ENTPD1: variants seen among roughly 807,000 people sequenced by gnomAD.
The protein encoded by ENTPD1 is ATP diphosphohydrolase.
Under a neutral mutation model 57.0 loss-of-function variants are expected in ENTPD1, and 33 were observed. That is an observed-to-expected ratio of 0.58 (90% CI 0.44 to 0.77). ENTPD1 has a LOEUF of 0.77. Among genes scored for constraint, ENTPD1 ranks in the 30% least tolerant of loss-of-function variants. ENTPD1 has a pLI of 0.00. For synonymous variants in ENTPD1, 202 were observed against 218.8 expected (o/e 0.92, Z 0.68); for missense variants, 501 against 603.4 (o/e 0.83, Z 1.78).
At chr10:95,753,542 G>A (rs911568764), upstream of ENTPD1, 2 of 152,152 alleles carry the variant, frequency 1.3e-5, no homozygotes, top group Non-Finnish European at 2.9e-5. Context: ...ACCTCTCCTG[G>A]TTAAACCAGA....
intron 2 of ENTPD1, among the ~76,000 whole-genome samples, chr10:95,831,181 G>GT (rs1378613123): frequency 6.6e-6 from 1 of 152,212 alleles, no homozygotes; most frequent in African/African-American, 2.4e-5. Flanking sequence ...GAATGCTTCT[G>GT]TTTAAAGAGG....
At position 95,844,633 on chromosome 10, in the gene ENTPD1, C is replaced by T. The variant is rs1197380854; in HGVS notation, c.571C>T (p.Gln191Ter). ...CAACTATCTGCTGGGCAAATTCAGT[C>T]AGGTGAATATCTCACAGCATCCATG... ...TINYLLGKFS[Q>*]KTRWFSIVPY... Residue 191 changes from glutamine to a stop codon, truncating the protein, a stop_gained and splice_region_variant, in exon 5 of 10, where the codon CAG (glutamine) becomes TAG (stop). Transcript: ENST00000371205. LOFTEE classifies it high-confidence loss of function. The T allele has an allele frequency of 6.2e-7, 1 of 1,614,078 alleles. No individual in the cohort carries two copies. Among genetic ancestry groups the T allele is most frequent in the Non-Finnish European group, 8.5e-7 (1 of 1,180,008 alleles).
chr10:95,755,197 A>G (rs1419299692), upstream of ENTPD1: 1 of 153,288 alleles, frequency 6.5e-6, no homozygotes, highest in Non-Finnish European at 1.5e-5. Context: ...GTAGCAAATA[A>G]GAGAGACCAT....
chr10:95,846,955 C>T (rs1370387396), intron 6 of ENTPD1, among the ~76,000 whole-genome samples: 1 of 151,586 alleles, frequency 6.6e-6, no homozygotes, highest in Non-Finnish European at 1.5e-5. Flanking sequence ...CGCCATTTTA[C>T]TCCAGCCTGG....
At chr10:95,720,815 C>T (rs1367509269) in intron 1 of ENTPD1, among the ~76,000 whole-genome samples, 3 of 152,184 alleles carry the variant, frequency 2.0e-5, no homozygotes, top group African/African-American at 7.2e-5. Context: ...TTGTAGACCA[C>T]ACTGGAAGCA....
intron 1 of ENTPD1, among the ~76,000 whole-genome samples, chr10:95,727,292 A>G (rs1287675175): frequency 1.3e-5 from 2 of 152,178 alleles, no homozygotes; most frequent in African/African-American, 4.8e-5. Context: ...ACCACCTCCA[A>G]AACATAAGGC....
intron 1 of ENTPD1, among the ~76,000 whole-genome samples, chr10:95,743,547 A>G (rs1327713000): frequency 6.6e-6 from 1 of 152,042 alleles, no homozygotes; most frequent in Admixed American, 6.6e-5. Flanking sequence ...GGATTTGTCT[A>G]TTCTCTCCCA....
intron 1 of ENTPD1, among the ~76,000 whole-genome samples, chr10:95,809,556 G>T (rs1220480230): frequency 1.4e-5 from 2 of 143,796 alleles, no homozygotes; most frequent in Admixed American, 7.0e-5. Flanking sequence ...CCCAGATGGG[G>T]CGGATGCTGG....
At chr10:95,702,788 C>T in the ENTPD1 span, among the ~76,000 whole-genome samples, 2,383 of 152,076 alleles carry the variant, frequency 0.016, 61 homozygotes, top group African/African-American at 0.055. Context: ...AACAATAACA[C>T]CTGACTTTTC....
chr10:95,780,550 T>G (rs1432642874), intron 1 of ENTPD1, among the ~76,000 whole-genome samples: 2 of 152,214 alleles, frequency 1.3e-5, no homozygotes, highest in African/African-American at 4.8e-5. Flanking sequence ...CTTTTTGTAA[T>G]TTTTTTCCCT....
chr10:95,785,374 G>A (rs1253208158), intron 1 of ENTPD1: 2 of 152,164 alleles, frequency 1.3e-5, no homozygotes, highest in African/African-American at 4.8e-5. Context: ...CAGTTTTCCC[G>A]CTTGTAAAAT....
At chr10:95,708,629 T>C (rs1209848539), upstream of ENTPD1, among the ~76,000 whole-genome samples, 2 of 152,222 alleles carry the variant, frequency 1.3e-5, no homozygotes, top group Non-Finnish European at 2.9e-5. Flanking sequence ...AGTGGATAAA[T>C]AAACTATGAT....
chr10:95,801,735 T>A (rs1455237516), intron 1 of ENTPD1, among the ~76,000 whole-genome samples: 1 of 152,296 alleles, frequency 6.6e-6, no homozygotes, highest in East Asian at 1.9e-4. Context: ...ACTGTAACCC[T>A]GTAGTATAGT....
At chr10:95,858,176 A>G (rs1274201780) in intron 7 of ENTPD1, among the ~76,000 whole-genome samples, 2 of 151,528 alleles carry the variant, frequency 1.3e-5, no homozygotes, top group South Asian at 2.1e-4. Flanking sequence ...AAAAAAAGTA[A>G]CTGCTGGGAG....
At chr10:95,863,965 T>C (rs767499647) in intron 8 of ENTPD1, among the ~76,000 whole-genome samples, 3 of 152,078 alleles carry the variant, frequency 2.0e-5, no homozygotes, top group Non-Finnish European at 4.4e-5. Flanking sequence ...AGGCTGTGGG[T>C]ATCTGGGTGT....
At chr10:95,807,635 A>G (rs1253515313) in intron 1 of ENTPD1, among the ~76,000 whole-genome samples, 3 of 152,188 alleles carry the variant, frequency 2.0e-5, no homozygotes, top group Admixed American at 6.5e-5. Flanking sequence ...CTATTCAGCC[A>G]TCTTGGAATG....
upstream of ENTPD1, among the ~76,000 whole-genome samples, chr10:95,711,224 G>A (rs2097965303): frequency 6.6e-6 from 1 of 152,296 alleles, no homozygotes; most frequent in South Asian, 2.1e-4. Context: ...TCGTCTGACT[G>A]TTCCAGATTG....
chr10:95,751,840 G>A (rs911500467), upstream of ENTPD1, among the ~76,000 whole-genome samples: 1 of 152,182 alleles, frequency 6.6e-6, no homozygotes, highest in African/African-American at 2.4e-5. Flanking sequence ...CACCCAGTAG[G>A]TGGATGGAAA....
chr10:95,765,582 AC>A (rs943300650), intron 1 of ENTPD1, among the ~76,000 whole-genome samples: 2 of 152,200 alleles, frequency 1.3e-5, no homozygotes, highest in Non-Finnish European at 2.9e-5. Context: ...ATTTCTTGAT[AC>A]TACAGCTTGG....
Sources: allele counts gnomAD v4.1 joint callset (sites outside exome capture counted in the v4.1 genomes callset), GRCh38; gene constraint gnomAD v4.1.1; transcripts MANE v1.5; gene names NCBI Gene and HGNC (gene_info 2026-07-23, HGNC 2026-07-21).